The following CELF2 variants were observed in gnomAD, a reference collection of about 807,000 sequenced individuals.
CELF2 encodes CUGBP Elav-like family member 2.
Under a neutral mutation model 62.6 loss-of-function variants are expected in CELF2, and 8 were observed. That is an observed-to-expected ratio of 0.13 (90% CI 0.07 to 0.23). CELF2 has a LOEUF of 0.23. Among genes scored for constraint, CELF2 ranks in the 10% least tolerant of loss-of-function variants. The pLI, the probability that CELF2 is intolerant of heterozygous loss-of-function variation, is 1.00. For synonymous variants in CELF2, 258 were observed against 250.0 expected (o/e 1.03, Z -0.30); for missense variants, 333 against 671.0 (o/e 0.50, Z 5.56).
Position 10,983,933 on chromosome 10 carries a change from G to T in CELF2, c.89+63934G>T, listed in dbSNP as rs1190337510. 6.6e-6 allele frequency among the ~76,000 whole-genome samples: 1 copy of T among 152,128 alleles called. No homozygotes were observed. Among genetic ancestry groups the T allele is most frequent in the African/African-American group, 2.4e-5 (1 of 41,422 alleles). On this transcript the variant is annotated intron_variant, in intron 2 of 13. Coordinates refer to the CELF2 transcript ENST00000636488. This position sits in a 1 kb window ranked among gnomAD's most constrained non-coding sequence, Gnocchi z 5.2. Reference sequence around the variant, plus strand: ...GATTTAAAAGACAGCATTGCAATTTGCATGTAACCTCTGAGTCAACTACTG... The same window carrying T: ...GATTTAAAAGACAGCATTGCAATTTTCATGTAACCTCTGAGTCAACTACTG...
chr10:11,116,282 T>C (rs2056539088), intron 1 of CELF2, among the ~76,000 whole-genome samples: 1 of 152,222 alleles, frequency 6.6e-6, no homozygotes, highest in Non-Finnish European at 1.5e-5. Context: ...AGCAGTCTGT[T>C]ATTAGACTTA....
intron 1 of CELF2, among the ~76,000 whole-genome samples, chr10:10,913,889 G>GGAAGGAAGGAA (rs2064074399): frequency 1.9e-5 from 2 of 105,716 alleles, no homozygotes; most frequent in South Asian, 3.7e-4. Flanking sequence ...GAAGGAAGAA[G>GGAAGGAAGGAA]GAAGGGAGGG....
chr10:11,163,399 C>T (rs2066180737), intron 1 of CELF2, among the ~76,000 whole-genome samples: 1 of 152,202 alleles, frequency 6.6e-6, no homozygotes, highest in South Asian at 2.1e-4. Context: ...CAACCCCCGA[C>T]AGGGTGTGAA....
At chr10:10,601,423 C>T in the CELF2 span, among the ~76,000 whole-genome samples, 1 of 152,126 alleles carries the variant, frequency 6.6e-6, no homozygotes, top group Non-Finnish European at 1.5e-5. Context: ...ATCTGGAGAT[C>T]TAAAGAACTT....
chr10:11,040,888 C>G (rs2061727842), intron 1 of CELF2, among the ~76,000 whole-genome samples: 1 of 152,164 alleles, frequency 6.6e-6, no homozygotes, highest in African/African-American at 2.4e-5. Flanking sequence ...AGCTCCATCT[C>G]TGTGATAGGT....
At chr10:10,696,590 C>A in the CELF2 span, among the ~76,000 whole-genome samples, 2 of 151,972 alleles carry the variant, frequency 1.3e-5, no homozygotes, top group Non-Finnish European at 2.9e-5. Flanking sequence ...TGGCGGGCGC[C>A]CCTCCCCCAG....
chr10:10,747,452 T>C, the CELF2 span, among the ~76,000 whole-genome samples: 1 of 152,092 alleles, frequency 6.6e-6, no homozygotes. Flanking sequence ...AGGGGAAGGA[T>C]ACATTGCTAG....
chr10:11,301,966 C>T (rs1261077140), intron 9 of CELF2, among the ~76,000 whole-genome samples: 1 of 152,146 alleles, frequency 6.6e-6, no homozygotes. Context: ...CCTCCGCCTT[C>T]GCTGGAACCG....
chr10:11,165,259 G>C lies in CELF2; in HGVS notation c.75-227G>C. The C allele has an allele frequency of 7.3e-7, 1 of 1,369,572 alleles. No homozygotes were observed. The highest frequency in any genetic ancestry group is 1.5e-5 in the African/African-American group (1 of 67,786). The allele number at this position is 1,369,572 out of a possible 1,614,324, so 84.8% of individuals were successfully genotyped here. A position where few individuals can be genotyped will look rare whatever the true frequency, so the allele number is the denominator to read the frequency against. On this transcript the variant is annotated intron_variant, in intron 1 of 12. Coordinates refer to ENST00000633077, the MANE Select transcript of CELF2 (RefSeq NM_001326342.2). The surrounding 1 kb of genome is among the most constrained non-coding windows in gnomAD (Gnocchi z 7.4). ...GCAGGGCGCTGCCCCGTGCTCCCCC[G>C]GCTCTGCTCGACAGCAGCACGCAGT... is the stretch of plus-strand genomic sequence containing the variant.
At chr10:11,009,369 G>C (rs1000929622) in intron 1 of CELF2, among the ~76,000 whole-genome samples, 4 of 151,968 alleles carry the variant, frequency 2.6e-5, no homozygotes, top group African/African-American at 9.7e-5. Context: ...GTGTGCGTGC[G>C]CGCGTCGGAA....
At chr10:10,559,490 A>G in the CELF2 span, among the ~76,000 whole-genome samples, 1 of 152,212 alleles carries the variant, frequency 6.6e-6, no homozygotes, top group Non-Finnish European at 1.5e-5. Flanking sequence ...AAACACCACC[A>G]AAGGTTTTGT....
In CELF2 at chr10:11,315,881, C is replaced by G. The variant is rs2094936269; in HGVS notation, c.1096+1623C>G. 6.6e-6 allele frequency among the ~76,000 whole-genome samples: 1 copy of G among 152,236 alleles called. No individual in the cohort carries two copies. The highest frequency in any genetic ancestry group is 1.5e-5 in the Non-Finnish European group (1 of 68,048). Reference sequence around the variant, plus strand: ...TCCCCTCATGCTGCTTCTCTTGCCCCAGGACCTAGTTCCCCTAAAACAAGG... The same window carrying G: ...TCCCCTCATGCTGCTTCTCTTGCCCGAGGACCTAGTTCCCCTAAAACAAGG... On this transcript the variant is annotated intron_variant, in intron 10 of 12. Coordinates refer to ENST00000633077, the MANE Select transcript of CELF2 (RefSeq NM_001326342.2). This position sits in a 1 kb window ranked among gnomAD's most constrained non-coding sequence, Gnocchi z 5.8.
In CELF2 at chr10:11,328,896, A is replaced by T; in HGVS notation, c.1439-30A>T. 1 of 1,595,742 alleles carries T rather than the reference A, an allele frequency of 6.3e-7. No individual in the cohort carries two copies. The highest frequency in any genetic ancestry group is 8.6e-7 in the Non-Finnish European group (1 of 1,167,328). On this transcript the variant is annotated intron_variant, in intron 12 of 12. Coordinates refer to ENST00000633077, the MANE Select transcript of CELF2 (RefSeq NM_001326342.2). This position sits in a 1 kb window ranked among gnomAD's most constrained non-coding sequence, Gnocchi z 6.4. The stretch of plus-strand genomic sequence containing the variant: ...CTGTTTTCTGCTGGGCTTCCTCTCC[A>T]GGCTGACTCCCTCTCTCGGTATTTT...
chr10:11,210,581 G>T (rs2061555328), intron 2 of CELF2, among the ~76,000 whole-genome samples: 2 of 152,214 alleles, frequency 1.3e-5, no homozygotes, highest in South Asian at 4.1e-4. Flanking sequence ...ATCAGAAAAA[G>T]AATTAGCAGT....
the CELF2 span, among the ~76,000 whole-genome samples, chr10:10,680,411 G>T: frequency 3.3e-5 from 5 of 152,138 alleles, no homozygotes; most frequent in Non-Finnish European, 5.9e-5. Flanking sequence ...AGGGGCACAT[G>T]GGGCAGGATC....
At chr10:10,761,905 CGTGTGTGT>C in the CELF2 span, among the ~76,000 whole-genome samples, 1,855 of 128,938 alleles carry the variant, frequency 0.014, 16 homozygotes, top group Middle Eastern at 0.024. Flanking sequence ...TATAATAAAC[CGTGTGTGT>C]GTGTGTGTGT....
In CELF2 at chr10:11,311,606, C is replaced by T. The variant is rs552627561; in HGVS notation, c.977-2533C>T. Among the ~76,000 whole-genome samples the T allele has an allele frequency of 4.0e-5, 6 of 151,690 alleles. No homozygotes were observed. In the South Asian group the frequency reaches 6.3e-4, roughly 16 times the overall value. On this transcript the variant is annotated intron_variant, in intron 9 of 12. Coordinates refer to ENST00000633077, the MANE Select transcript of CELF2 (RefSeq NM_001326342.2). This position sits in a 1 kb window ranked among gnomAD's most constrained non-coding sequence, Gnocchi z 4.7. ...TTACATATTAAAAGAATTTGAAAAG[C>T]GAAAAAGCCACTGATTATGAAAAAT...
chr10:10,701,339 A>T, the CELF2 span, among the ~76,000 whole-genome samples: 7 of 152,228 alleles, frequency 4.6e-5, no homozygotes, highest in Non-Finnish European at 5.9e-5. Flanking sequence ...TCCAAATGTC[A>T]ATTACTGGAA....
At position 11,211,200 on chromosome 10, in the gene CELF2, G is replaced by T. The variant is rs1418138353; in HGVS notation, c.272-6225G>T. On this transcript the variant is annotated intron_variant, in intron 2 of 12. Transcript: ENST00000633077. The surrounding 1 kb of genome is among the most constrained non-coding windows in gnomAD (Gnocchi z 4.8). ...GCCTACAGTGGAGAAGATGACTTTA[G>T]CTCAGGAGTTCGAAGTTAAAGTGAA... is the stretch of plus-strand genomic sequence containing the variant. Among the ~76,000 whole-genome samples, 1 of 152,208 alleles carries T rather than the reference G, an allele frequency of 6.6e-6. No homozygotes were observed. The highest frequency in any genetic ancestry group is 2.4e-5 in the African/African-American group (1 of 41,460).
Sources: gnomAD v4.1 joint callset for allele counts (sites outside exome capture counted in the v4.1 genomes callset) on GRCh38, gnomAD v4.1.1 for gene constraint, Gnocchi (gnomAD v3.1) non-coding constraint, MANE v1.5 for transcripts, NCBI Gene and HGNC (gene_info 2026-07-23, HGNC 2026-07-21) for gene names.